CHGA: variants seen among roughly 807,000 people sequenced by gnomAD.
The protein encoded by CHGA is chromogranin A.
CHGA carries 41 observed loss-of-function variants against 54.4 expected under a neutral mutation model. That is an observed-to-expected ratio of 0.75 (90% CI 0.59 to 0.98). CHGA has a LOEUF of 0.98. Ranked by LOEUF, CHGA falls within the 50% of genes least tolerant of loss-of-function variation. The probability of loss-of-function intolerance (pLI) is 0.00; values close to 1 mark genes in which losing one functional copy is unlikely to be tolerated. For missense variants in CHGA, 576 were observed against 582.3 expected (o/e 0.99, Z 0.11); for synonymous variants, 249 against 232.8 (o/e 1.07, Z -0.63).
chr14:92,932,647 G>C lies in CHGA; in HGVS notation c.1086G>C (p.Glu362Asp), dbSNP rs374405768. The C allele has an allele frequency of 6.3e-6, 10 of 1,597,646 alleles. No individual in the cohort carries two copies. Among genetic ancestry groups the C allele is most frequent in the Non-Finnish European group, 8.5e-6 (10 of 1,174,542 alleles). ...CTGAGAAGCGGCTGGAGGGGCAGGA[G>C]GAGGAGGAGGACAACCGGGACAGTT... ...LTAEKRLEGQ[E>D]EEEDNRDSSM... Residue 362 changes from glutamate (E) to aspartate (D), a missense_variant, in exon 7 of 8, where the codon GAG becomes GAC. By Grantham distance (45) the Glu-to-Asp change is conservative (BLOSUM62 2). Coordinates refer to ENST00000216492, the MANE Select transcript of CHGA (RefSeq NM_001275.4). The surrounding 1 kb of genome is among the most constrained non-coding windows in gnomAD (Gnocchi z 5.3).
chr14:92,924,468 GA>G (rs940530575), intron 2 of CHGA, among the ~76,000 whole-genome samples: 45 of 152,372 alleles, frequency 3.0e-4, no homozygotes, highest in African/African-American at 1.1e-3. Flanking sequence ...ACATGCAGCG[GA>G]AGAGGCCTGC....
chr14:92,929,809 C>G lies in CHGA; in HGVS notation c.349C>G (p.Leu117Val), dbSNP rs764964442. The change falls in exon 5 of 8, where the codon CTG becomes GTG. Residue 117 changes from leucine to valine, a missense_variant. By Grantham distance (32) the Leu-to-Val change is conservative. Coordinates refer to ENST00000216492, the MANE Select transcript of CHGA (RefSeq NM_001275.4). ...TGAGAACCAGAGCAGCCAGGCCGAG[C>G]TGAAAGGTCTGTCCCAGCCGGTCTG... ...VLENQSSQAELKEAVEEPSSK... is the reference protein window; with the variant it reads ...VLENQSSQAEVKEAVEEPSSK... The G allele has an allele frequency of 2.5e-6, 4 of 1,610,992 alleles. No homozygotes were observed. The highest frequency in any genetic ancestry group is 3.4e-6 in the Non-Finnish European group (4 of 1,179,824).
intron 7 of CHGA, 155 bp downstream of exon 7, chr14:92,933,006 G>T: frequency 8.5e-7 from 1 of 1,177,798 alleles, no homozygotes; most frequent in Non-Finnish European, 1.1e-6. Flanking sequence ...TCTCAGGGTG[G>T]GAGAACACCC....
At chr14:92,923,517 C>T in intron 1 of CHGA, 112 bp downstream of exon 1, 5 of 1,009,742 alleles carry the variant, frequency 5.0e-6, no homozygotes, top group Non-Finnish European at 6.4e-6. Context: ...TCGGGCGCGG[C>T]GAGTTTTCAG....
At chr14:92,933,657 G>T (rs894349920) in intron 7 of CHGA, among the ~76,000 whole-genome samples, 3 of 152,172 alleles carry the variant, frequency 2.0e-5, no homozygotes, top group African/African-American at 7.2e-5. Context: ...TGCCCACCTA[G>T]AAGAGGGTGT....
intron 4 of CHGA, among the ~76,000 whole-genome samples, chr14:92,928,067 C>T (rs901873797): frequency 5.9e-5 from 9 of 152,250 alleles, no homozygotes; most frequent in African/African-American, 2.2e-4. Flanking sequence ...CGGCCCTAGC[C>T]TTGCAAGTCA....
In CHGA at chr14:92,932,039, C is replaced by T. The variant is rs564866198; in HGVS notation, c.809-331C>T. 5 of 447,026 alleles carry T rather than the reference C, an allele frequency of 1.1e-5. No homozygotes were observed. Among genetic ancestry groups the T allele is most frequent in the South Asian group, 4.0e-5 (1 of 24,804 alleles). 27.7% of individuals were successfully genotyped at this position (447,026 alleles called of 1,614,324 possible). A position where few individuals can be genotyped will look rare whatever the true frequency, so the allele number is the denominator to read the frequency against. On this transcript the variant is annotated intron_variant, in intron 6 of 7. Transcript: ENST00000216492. This position sits in a 1 kb window ranked among gnomAD's most constrained non-coding sequence, Gnocchi z 5.3. ...TTGGGAACAGAGACCATGGCAGGAGCGCACAGGCTGATCTGGGAACAGTGT... is the reference window on the plus strand; with the variant it reads ...TTGGGAACAGAGACCATGGCAGGAGTGCACAGGCTGATCTGGGAACAGTGT...
At chr14:92,930,706 A>G (rs1257544382) in intron 5 of CHGA, among the ~76,000 whole-genome samples, 5 of 152,208 alleles carry the variant, frequency 3.3e-5, no homozygotes, top group African/African-American at 1.2e-4. Context: ...CAGATGGTGG[A>G]ATGTACTTGG....
At chr14:92,933,695 T>C (rs1254282970) in intron 7 of CHGA, among the ~76,000 whole-genome samples, 2 of 152,062 alleles carry the variant, frequency 1.3e-5, no homozygotes, top group Non-Finnish European at 1.5e-5. Flanking sequence ...CCCGACCCCC[T>C]CTCTGGGCCT....
chr14:92,925,226 CAGT>C, intron 2 of CHGA, among the ~76,000 whole-genome samples: 1 of 152,174 alleles, frequency 6.6e-6, no homozygotes, highest in East Asian at 1.9e-4. Context: ...AATAGGTCCT[CAGT>C]AAATGGGCAC....
intron 7 of CHGA, among the ~76,000 whole-genome samples, chr14:92,934,488 CTT>C (rs1326540609): frequency 6.6e-6 from 1 of 152,146 alleles, no homozygotes; most frequent in African/African-American, 2.4e-5. Flanking sequence ...GCACTGTAAG[CTT>C]TGTTTTCCAT....
At chr14:92,929,137 G>A (rs548491295) in intron 4 of CHGA, among the ~76,000 whole-genome samples, 1 of 152,376 alleles carries the variant, frequency 6.6e-6, no homozygotes, top group East Asian at 1.9e-4. Flanking sequence ...GGGGGAGAGG[G>A]GTCTCTGGGT....
rs1174763299 is a variant in CHGA, at chr14:92,935,010, G to A, written c.*126G>A. 3 of 760,362 alleles carry A rather than the reference G, an allele frequency of 3.9e-6. No homozygotes were observed. In the African/African-American group the frequency reaches 5.5e-5, roughly 14 times the overall value. 47.1% of individuals were successfully genotyped at this position (760,362 alleles called of 1,614,324 possible). ...GGGAGGCAGCCTCCAGCCTGCCCAAGCCCAGGCCACCCTATCGCCCCCTAC... is the reference window on the plus strand; with the variant it reads ...GGGAGGCAGCCTCCAGCCTGCCCAAACCCAGGCCACCCTATCGCCCCCTAC... On this transcript the variant is annotated 3_prime_UTR_variant, in exon 8 of 8. Coordinates refer to ENST00000216492, the MANE Select transcript of CHGA (RefSeq NM_001275.4).
intron 5 of CHGA, among the ~76,000 whole-genome samples, chr14:92,930,078 C>T (rs1322484064): frequency 6.6e-6 from 1 of 152,256 alleles, no homozygotes; most frequent in African/African-American, 2.4e-5. Context: ...GGCTGGCACT[C>T]TAGGGCAGGA....
upstream of CHGA, among the ~76,000 whole-genome samples, chr14:92,922,724 A>G (rs1258929899): frequency 2.0e-5 from 3 of 152,246 alleles, no homozygotes; most frequent in Non-Finnish European, 2.9e-5. Flanking sequence ...GGAGAGAGCC[A>G]TGAGTGATGG....
At chr14:92,933,960 C>G (rs1887064735) in intron 7 of CHGA, among the ~76,000 whole-genome samples, 1 of 152,166 alleles carries the variant, frequency 6.6e-6, no homozygotes, top group South Asian at 2.1e-4. Flanking sequence ...TCTTAGAAAC[C>G]CGAGCCTCGC....
intron 6 of CHGA, 84 bp downstream of exon 6, chr14:92,931,786 C>A: frequency 7.5e-7 from 1 of 1,341,522 alleles, no homozygotes; most frequent in Non-Finnish European, 1.0e-6. Flanking sequence ...AACCTCATTC[C>A]ACCTTCATAA....
At chr14:92,934,127 C>G (rs887430947) in intron 7 of CHGA, among the ~76,000 whole-genome samples, 1 of 152,202 alleles carries the variant, frequency 6.6e-6, no homozygotes, top group Non-Finnish European at 1.5e-5. Context: ...AAGGAGGCAG[C>G]CTTCCCTGCG....
chr14:92,933,349 G>A (rs1887053210), intron 7 of CHGA: 1 of 154,326 alleles, frequency 6.5e-6, no homozygotes, highest in South Asian at 2.1e-4. Flanking sequence ...TGGCTGCGTG[G>A]ACTTGGGAGG....
Sources: allele counts gnomAD v4.1 joint callset (sites outside exome capture counted in the v4.1 genomes callset), GRCh38; gene constraint gnomAD v4.1.1; non-coding constraint Gnocchi (gnomAD v3.1); transcripts MANE v1.5; gene names NCBI Gene and HGNC (gene_info 2026-07-23, HGNC 2026-07-21).